Variants in BOD1L1 observed in about 807,000 individuals in gnomAD.
BOD1L1 encodes biorientation of chromosomes in cell division 1 like 1, also known as biorientation of chromosomes in cell division protein 1-like 1.
In BOD1L1, 86 loss-of-function variants were observed where a neutral mutation model predicts 240.7. The ratio of observed to expected loss-of-function variants is 0.36; its 90% CI spans 0.30 to 0.43. The LOEUF (loss-of-function observed/expected upper bound fraction) is 0.43, where lower values mean the gene tolerates loss of function less well. Among genes scored for constraint, BOD1L1 ranks in the 20% least tolerant of loss-of-function variants. The pLI, the probability that BOD1L1 is intolerant of heterozygous loss-of-function variation, is 1.00. For synonymous variants in BOD1L1, 1,268 were observed against 1,272.3 expected, an observed-to-expected ratio of 1.00 and a Z score of 0.07; for missense variants, 3,554 against 3,643.5, an observed-to-expected ratio of 0.98 and a Z score of 0.63.
chr4:13,587,762 C>A lies in BOD1L1; in HGVS notation c.8290G>T (p.Glu2764Ter), dbSNP rs763729994. 6.4e-7 allele frequency: 1 copy of A among 1,553,412 alleles called. No homozygotes were observed. The highest frequency in any genetic ancestry group is 8.7e-7 in the Non-Finnish European group (1 of 1,145,682). ...VEADPKEVEE[E>*]ERHMPKRKRK... ...TTTCTTTTAGGCATATGCCTTTCTT[C>A]CTCTTCAACCTGGAATTAAGAATGA... Residue 2764 changes from glutamate (E) to a stop codon, truncating the protein, a stop_gained, in exon 16 of 26, where the codon GAA becomes TAA. Coordinates refer to ENST00000040738, the MANE Select transcript of BOD1L1 (RefSeq NM_148894.3). LOFTEE classifies it high-confidence loss of function.
chr4:13,617,015 G>A (rs376626853), intron 2 of BOD1L1, among the ~76,000 whole-genome samples: 1 of 152,312 alleles, frequency 6.6e-6, no homozygotes, highest in African/African-American at 2.4e-5. Context: ...GGGAGGCCAA[G>A]GCGGGCAGAT....
At chr4:13,627,245 G>T in intron 1 of BOD1L1, 100 bp downstream of exon 1, 1 of 540,140 alleles carries the variant, frequency 1.9e-6, no homozygotes, top group Non-Finnish European at 2.6e-6. Context: ...CACAGTCCGT[G>T]GCACACAGCT....
chr4:13,607,809 CTA>C (rs1715833027), intron 8 of BOD1L1, among the ~76,000 whole-genome samples: 1 of 152,136 alleles, frequency 6.6e-6, no homozygotes, highest in Non-Finnish European at 1.5e-5. Flanking sequence ...TTCAAAATTA[CTA>C]TCTTTTGAGT....
chr4:13,582,600 G>A (rs188564359), intron 18 of BOD1L1, 52 bp downstream of exon 18: 8 of 1,358,784 alleles, frequency 5.9e-6, no homozygotes, highest in Admixed American at 1.8e-5. Context: ...TGAGAGACAC[G>A]CTGGCTGCTT....
rs146234015 is a variant in BOD1L1 at position 13,608,613 on chromosome 4, G to A, written c.1659C>T (p.Ala553=). Residue 553 remains alanine (A), a synonymous_variant, in exon 8 of 26, where the codon GCC becomes GCT. Transcript: ENST00000040738. ...CTTTAAGGACTTCTTTAATTCTGGCGGCTTTAGGTTCCAAACTCTTTGTTG... is the reference window on the plus strand; with the variant it reads ...CTTTAAGGACTTCTTTAATTCTGGCAGCTTTAGGTTCCAAACTCTTTGTTG... The part of the protein sequence containing the change: ...ESSTKSLEPK[A]ARIKEVLKER... 95 of 1,556,396 alleles carry A rather than the reference G, an allele frequency of 6.1e-5. No homozygotes were observed. In the African/African-American group the frequency reaches 1.0e-3, roughly 17 times the overall value.
chr4:13,586,111 G>A (rs16888860), intron 17 of BOD1L1, among the ~76,000 whole-genome samples: 8,186 of 152,168 alleles, frequency 0.054, 256 homozygotes, highest in African/African-American at 0.081. Context: ...AAAGCATTTA[G>A]AAACCTCAAG....
In BOD1L1 at chr4:13,569,773, T is replaced by G; in HGVS notation, c.*238A>C. 1 of 319,508 alleles carries G rather than the reference T, an allele frequency of 3.1e-6. No homozygotes were observed. 19.8% of individuals were successfully genotyped at this position (319,508 alleles called of 1,614,324 possible). A position where few individuals can be genotyped will look rare whatever the true frequency, so the allele number is the denominator to read the frequency against. ...ATGTTAAAATATACAACTACTTTGT[T>G]TTGAGTTCAGATACAAAGTAAACTT... On this transcript the variant is annotated 3_prime_UTR_variant, in exon 26 of 26. Coordinates refer to ENST00000040738, the MANE Select transcript of BOD1L1 (RefSeq NM_148894.3).
rs754887394 is a variant in BOD1L1 at position 13,600,051 on chromosome 4, T to C, written c.6849A>G (p.Pro2283=). ...TGGCGGTGTCACCCATCTCTTCCGC[T>C]GGTGTGACTGAGGGGTCGCCTTCCT... ...PQEEGDPSVT[P]AEEMGDTAMI... Residue 2283 remains proline (P), a synonymous_variant, in exon 10 of 26, where the codon CCA becomes CCG. Coordinates refer to ENST00000040738, the MANE Select transcript of BOD1L1 (RefSeq NM_148894.3). The C allele has an allele frequency of 1.9e-6, 3 of 1,611,964 alleles. No homozygotes were observed. The highest frequency in any genetic ancestry group is 1.3e-5 in the African/African-American group (1 of 74,996).
chr4:13,589,555 T>A (rs1431435952), intron 14 of BOD1L1, among the ~76,000 whole-genome samples: 1 of 152,190 alleles, frequency 6.6e-6, no homozygotes, highest in Non-Finnish European at 1.5e-5. Flanking sequence ...GACCACATAT[T>A]TACCTAAAGC....
chr4:13,611,133 C>G, intron 5 of BOD1L1, 33 bp from the exon 6 acceptor site: 2 of 1,491,152 alleles, frequency 1.3e-6, no homozygotes, highest in Non-Finnish European at 1.8e-6. Context: ...AGGAGTATGT[C>G]TGTGAATTAG....
At chr4:13,585,725 A>G (rs957927162) in intron 17 of BOD1L1, among the ~76,000 whole-genome samples, 12 of 152,046 alleles carry the variant, frequency 7.9e-5, no homozygotes, top group African/African-American at 2.9e-4. Context: ...GGAAGGATGC[A>G]GTGGGAGGTA....
Position 13,602,473 on chromosome 4 carries a change from C to A in BOD1L1, c.4427G>T (p.Arg1476Met). ...VKDISIDVER[R>M]NENSEVDTSA... is the part of the protein sequence containing the mutation. Reference sequence around the variant, plus strand: ...GGTGTCTACCTCACTGTTTTCATTCCTTCTTTCAACATCAATTGATATGTC... The same window carrying A: ...GGTGTCTACCTCACTGTTTTCATTCATTCTTTCAACATCAATTGATATGTC... Residue 1476 changes from arginine to methionine, a missense_variant, in exon 10 of 26, where the codon AGG becomes ATG. Arg to Met is a moderately conservative substitution (Grantham distance 91). Around this residue, in one of 2 missense-constraint regions of BOD1L1, gnomAD observed 3,393 missense variants for 3,427.1 expected, o/e 0.99. Coordinates refer to ENST00000040738, the MANE Select transcript of BOD1L1 (RefSeq NM_148894.3). 6.2e-7 allele frequency: 1 copy of A among 1,613,930 alleles called. No individual in the cohort carries two copies. The highest frequency in any genetic ancestry group is 8.5e-7 in the Non-Finnish European group (1 of 1,179,864).
At chr4:13,615,610 A>G in intron 2 of BOD1L1, 108 bp from the exon 3 acceptor site, 1 of 1,063,236 alleles carries the variant, frequency 9.4e-7, no homozygotes, top group Admixed American at 3.0e-5. Flanking sequence ...CATCCATCCA[A>G]CCTTAAATTG....
At chr4:13,619,305 T>TAAAAA (rs10650324) in intron 2 of BOD1L1, among the ~76,000 whole-genome samples, 3 of 130,790 alleles carry the variant, frequency 2.3e-5, no homozygotes, top group East Asian at 2.2e-4. Flanking sequence ...TGAGACTCTT[T>TAAAAA]AAAAAAAAAA....
Position 13,603,880 on chromosome 4 carries a change from G to C in BOD1L1, c.3020C>G (p.Ser1007Cys). 1.2e-6 allele frequency: 2 copies of C among 1,613,640 alleles called. No individual in the cohort carries two copies. Among genetic ancestry groups the C allele is most frequent in the Non-Finnish European group, 1.7e-6 (2 of 1,179,870 alleles). ...CTTTCTCTCAAGCCTGGTGGAAGTGGAGTCTTTATCACTCTTATATTTCTC... is the reference window on the plus strand; with the variant it reads ...CTTTCTCTCAAGCCTGGTGGAAGTGCAGTCTTTATCACTCTTATATTTCTC... ...AKEKYKSDKD[S>C]TSTRLERKLS... Residue 1007 changes from serine to cysteine, a missense_variant, in exon 10 of 26, where the codon TCC (serine) becomes TGC (cysteine). Around this residue, in one of 2 missense-constraint regions of BOD1L1, gnomAD observed 3,393 missense variants for 3,427.1 expected, o/e 0.99. Transcript: ENST00000040738.
chr4:13,615,122 C>T (rs1039706754), intron 3 of BOD1L1, among the ~76,000 whole-genome samples, 190 bp downstream of exon 3: 3 of 152,150 alleles, frequency 2.0e-5, no homozygotes, highest in Non-Finnish European at 4.4e-5. Flanking sequence ...CACATTACTA[C>T]AATGCTTATT....
chr4:13,590,711 G>GA (rs1714136185), intron 13 of BOD1L1, among the ~76,000 whole-genome samples: 1 of 152,088 alleles, frequency 6.6e-6, no homozygotes, highest in Non-Finnish European at 1.5e-5. Context: ...ATAAATAAGA[G>GA]AAAAATTTTC....
Position 13,581,218 on chromosome 4 carries a change from A to T in BOD1L1, c.8593-11T>A. On this transcript the variant is annotated splice_polypyrimidine_tract_variant and intron_variant, in intron 19 of 25. Transcript: ENST00000040738. Reference sequence around the variant, plus strand: ...TATTGGCTGATCTTCCTAAGGGGGAAATAAAAAACAACAACAGCAATAAGA... The same window carrying T: ...TATTGGCTGATCTTCCTAAGGGGGATATAAAAAACAACAACAGCAATAAGA... 1 of 1,526,298 alleles carries T rather than the reference A, an allele frequency of 6.6e-7. No homozygotes were observed. Among genetic ancestry groups the T allele is most frequent in the Non-Finnish European group, 8.8e-7 (1 of 1,135,902 alleles). 94.5% of individuals were successfully genotyped at this position (1,526,298 alleles called of 1,614,324 possible). A position where few individuals can be genotyped will look rare whatever the true frequency, so the allele number is the denominator to read the frequency against.
rs770600920 is a variant in BOD1L1, at chr4:13,597,107, C to T, written c.8016G>A (p.Met2672Ile). The change falls in exon 11 of 26, where the codon ATG (methionine) becomes ATA (isoleucine). Residue 2672 changes from methionine (M) to isoleucine (I), a missense_variant. By Grantham distance (10) the Met-to-Ile change is conservative (BLOSUM62 1). This residue lies in a region of BOD1L1 where 3,393 missense variants were observed against 3,427.1 expected (regional missense o/e 0.99). Transcript: ENST00000040738. Reference protein sequence around the residue: ...GGLKLKANLKMEAYVPSEEEK... With the variant: ...GGLKLKANLKIEAYVPSEEEK... ...ACAGCTGAATTATAAGCCATACCTC[C>T]ATTTTCAAGTTGGCTTTCAGTTTCA... 223 of 1,587,434 alleles carry T rather than the reference C, an allele frequency of 1.4e-4. No homozygotes were observed. The highest frequency in any genetic ancestry group is 1.9e-4 in the Non-Finnish European group (220 of 1,165,144).
Sources: allele counts gnomAD v4.1 joint callset (sites outside exome capture counted in the v4.1 genomes callset), GRCh38; gene constraint gnomAD v4.1.1; regional missense constraint gnomAD v4.1.1; transcripts MANE v1.5; gene names NCBI Gene and HGNC (gene_info 2026-07-23, HGNC 2026-07-21).